Variants in IQCM observed in about 807,000 individuals in gnomAD.
The protein encoded by IQCM is IQ motif containing M.
In IQCM, 45 loss-of-function variants were observed where a neutral mutation model predicts 57.6. The observed-to-expected ratio is 0.78, with a 90% CI of 0.62 to 1.00. The LOEUF (loss-of-function observed/expected upper bound fraction) is 1.00, where lower values mean the gene tolerates loss of function less well. Ranked by LOEUF, IQCM falls within the 50% of genes least tolerant of loss-of-function variation. IQCM has a pLI of 0.00. For missense variants in IQCM, 468 were observed against 511.6 expected, an observed-to-expected ratio of 0.91 and a Z score of 0.82; for synonymous variants, 148 against 158.9, an observed-to-expected ratio of 0.93 and a Z score of 0.51.
At chr4:149,767,671 T>A (rs529331856) in intron 2 of IQCM, among the ~76,000 whole-genome samples, 1 of 152,182 alleles carries the variant, frequency 6.6e-6, no homozygotes, top group East Asian at 1.9e-4. Context: ...TCACTGATTA[T>A]GTTGGTGAGT....
chr4:149,556,300 CT>C (rs893818316), intron 10 of IQCM, among the ~76,000 whole-genome samples: 51 of 143,064 alleles, frequency 3.6e-4, no homozygotes, highest in Middle Eastern at 3.8e-3. Flanking sequence ...ATGGTCATGT[CT>C]TTTTTTTTTT....
chr4:149,449,837 C>T (rs995099508), intron 12 of IQCM, among the ~76,000 whole-genome samples: 19 of 151,668 alleles, frequency 1.3e-4, no homozygotes, highest in African/African-American at 4.6e-4. Context: ...TGACATTCTT[C>T]ACAGAAATAC....
At chr4:149,522,109 T>G (rs1167567842) in intron 12 of IQCM, among the ~76,000 whole-genome samples, 1 of 152,176 alleles carries the variant, frequency 6.6e-6, no homozygotes, top group Non-Finnish European at 1.5e-5. Flanking sequence ...CCAGAGTTTC[T>G]GACATCTGAT....
chr4:149,462,442 C>T (rs1384524637), intron 12 of IQCM, among the ~76,000 whole-genome samples: 1 of 152,198 alleles, frequency 6.6e-6, no homozygotes, highest in Non-Finnish European at 1.5e-5. Context: ...CATCTAAAAA[C>T]ATAGGAGGTA....
chr4:149,591,248 AT>A (rs1211852150), intron 8 of IQCM, among the ~76,000 whole-genome samples: 1 of 152,018 alleles, frequency 6.6e-6, no homozygotes, highest in Non-Finnish European at 1.5e-5. Context: ...CTTTTCAAAT[AT>A]CATTGGATGA....
intron 2 of IQCM, among the ~76,000 whole-genome samples, chr4:149,811,604 T>C (rs1389591211): frequency 1.3e-5 from 2 of 152,186 alleles, no homozygotes; most frequent in African/African-American, 4.8e-5. Context: ...CTCTCTTAGC[T>C]CCTGTCTCCT....
intron 13 of IQCM, among the ~76,000 whole-genome samples, chr4:149,403,493 T>C (rs1389202318): frequency 2.0e-5 from 3 of 152,028 alleles, no homozygotes; most frequent in African/African-American, 7.2e-5. Flanking sequence ...TTGAGAGCAA[T>C]AGCAATTTGC....
intron 12 of IQCM, among the ~76,000 whole-genome samples, chr4:149,493,053 A>T (rs780575895): frequency 6.6e-6 from 1 of 152,056 alleles, no homozygotes; most frequent in Non-Finnish European, 1.5e-5. Flanking sequence ...CTTACTTATG[A>T]TGTGAATCAG....
At chr4:149,771,796 T>C (rs4835596) in intron 2 of IQCM, among the ~76,000 whole-genome samples, 10,524 of 152,198 alleles carry the variant, frequency 0.069, 950 homozygotes, top group African/African-American at 0.2. Flanking sequence ...TAATGAATTA[T>C]CATGACAATA....
intron 12 of IQCM, among the ~76,000 whole-genome samples, chr4:149,435,586 A>C (rs2111291048): frequency 6.6e-6 from 1 of 151,758 alleles, no homozygotes; most frequent in East Asian, 1.9e-4. Context: ...AAAAAAAAAA[A>C]CAGTAAAACA....
intron 5 of IQCM, among the ~76,000 whole-genome samples, chr4:149,701,393 C>T (rs1763758612): frequency 6.6e-6 from 1 of 152,008 alleles, no homozygotes; most frequent in Non-Finnish European, 1.5e-5. Flanking sequence ...TTTTGTTCCT[C>T]ACAGCATGGG....
chr4:149,746,946 C>T (rs1767988043), intron 2 of IQCM, among the ~76,000 whole-genome samples: 1 of 152,162 alleles, frequency 6.6e-6, no homozygotes, highest in Non-Finnish European at 1.5e-5. Context: ...TAGTTGCAGG[C>T]CTCATCAGGT....
chr4:149,666,360 G>A (rs1760722665), intron 7 of IQCM, among the ~76,000 whole-genome samples: 1 of 152,108 alleles, frequency 6.6e-6, no homozygotes, highest in Non-Finnish European at 1.5e-5. Context: ...GGGAAGCCAT[G>A]AGAAACTGTG....
chr4:149,662,108 T>A (rs1219121451), intron 7 of IQCM, among the ~76,000 whole-genome samples: 1 of 152,078 alleles, frequency 6.6e-6, no homozygotes. Flanking sequence ...TAACTGCTTT[T>A]GCTATGTCCC....
intron 13 of IQCM, among the ~76,000 whole-genome samples, chr4:149,360,051 G>GC (rs1431388679): frequency 6.6e-6 from 1 of 150,770 alleles, no homozygotes; most frequent in Non-Finnish European, 1.5e-5. Flanking sequence ...TAGTCATCTA[G>GC]TTAAAAAAAA....
chr4:149,553,547 A>T (rs1038453549), intron 10 of IQCM, among the ~76,000 whole-genome samples: 9 of 152,186 alleles, frequency 5.9e-5, no homozygotes, highest in African/African-American at 2.2e-4. Context: ...TTTCACAGAC[A>T]CTTCCTATAC....
intron 12 of IQCM, among the ~76,000 whole-genome samples, chr4:149,493,396 G>A (rs1005606441): frequency 4.1e-4 from 63 of 151,866 alleles, no homozygotes; most frequent in African/African-American, 1.4e-3. Context: ...TTTTAATCTG[G>A]ACAACATAAT....
chr4:149,810,318 C>A (rs1051768321), intron 2 of IQCM, among the ~76,000 whole-genome samples: 14 of 142,818 alleles, frequency 9.8e-5, no homozygotes, highest in Admixed American at 9.4e-4. Flanking sequence ...GCCATGATTG[C>A]GCCATTACAC....
intron 13 of IQCM, among the ~76,000 whole-genome samples, chr4:149,356,270 T>C (rs1560768385): frequency 6.6e-6 from 1 of 152,258 alleles, no homozygotes; most frequent in Non-Finnish European, 1.5e-5. Flanking sequence ...TTGTCAATTT[T>C]GGCTTTTGTT....
Sources: allele counts gnomAD v4.1 joint callset (sites outside exome capture counted in the v4.1 genomes callset), GRCh38; gene constraint gnomAD v4.1.1; transcripts MANE v1.5; gene names NCBI Gene and HGNC (gene_info 2026-07-23, HGNC 2026-07-21).